Variants in ATP13A4 observed in about 807,000 individuals in gnomAD.
The protein encoded by ATP13A4 is probable cation-transporting ATPase 13A4.
ATP13A4 carries 114 observed loss-of-function variants against 142.5 expected under a neutral mutation model. That is an observed-to-expected ratio of 0.80 (90% CI 0.69 to 0.93). The LOEUF is 0.93. Among genes scored for constraint, ATP13A4 ranks in the 40% least tolerant of loss-of-function variants. The pLI is 0.00. For missense variants in ATP13A4, 1,392 were observed against 1,454.0 expected (o/e 0.96, Z 0.69); for synonymous variants, 488 against 514.8 (o/e 0.95, Z 0.70).
chr3:193,558,318 C>T (rs1723947133), upstream of ATP13A4, among the ~76,000 whole-genome samples: 1 of 152,216 alleles, frequency 6.6e-6, no homozygotes, highest in Non-Finnish European at 1.5e-5. Context: ...CTATTCTATA[C>T]TCTACGTGCC....
intron 6 of ATP13A4, among the ~76,000 whole-genome samples, chr3:193,490,725 T>C (rs1438919525): frequency 6.6e-6 from 1 of 152,138 alleles, no homozygotes. Flanking sequence ...TGACGGCTTG[T>C]TGGAAATATT....
Position 193,465,007 on chromosome 3 carries a change from C to G in ATP13A4, c.1394G>C (p.Gly465Ala), listed in dbSNP as rs756991830. The G allele has an allele frequency of 4.3e-6, 7 of 1,613,986 alleles. No homozygotes were observed. Among genetic ancestry groups the G allele is most frequent in the Non-Finnish European group, 5.9e-6 (7 of 1,180,008 alleles). The change falls in exon 12 of 30, where the codon GGC becomes GCC. Residue 465 changes from glycine (G) to alanine (A), a missense_variant. Coordinates refer to ENST00000342695, the MANE Select transcript of ATP13A4 (RefSeq NM_032279.4). ...CCTCTGGGGGCTAATGCAGAAGATG[C>G]CTCTCTTCTTCAGCCTCCTCTGGGC... ...IYAQRRLKKR[G>A]IFCISPQRIN...
chr3:193,556,176 T>C (rs1560281683), upstream of ATP13A4, among the ~76,000 whole-genome samples: 1 of 152,148 alleles, frequency 6.6e-6, no homozygotes, highest in Non-Finnish European at 1.5e-5. Context: ...AACATAAAGA[T>C]GATGATAATA....
intron 25 of ATP13A4, among the ~76,000 whole-genome samples, chr3:193,430,853 A>C (rs886901484): frequency 6.6e-5 from 10 of 152,194 alleles, no homozygotes; most frequent in Admixed American, 2.6e-4. Context: ...ATGAATAATA[A>C]AATTTATATT....
intron 2 of ATP13A4, among the ~76,000 whole-genome samples, chr3:193,510,307 G>A (rs1448845819): frequency 6.6e-6 from 1 of 152,090 alleles, no homozygotes; most frequent in Non-Finnish European, 1.5e-5. Context: ...AAACTGAAGC[G>A]AAAATACTCC....
At chr3:193,586,721 T>C (rs1724679278) in intron 1 of ATP13A4, among the ~76,000 whole-genome samples, 1 of 152,280 alleles carries the variant, frequency 6.6e-6, no homozygotes, top group African/African-American at 2.4e-5. Flanking sequence ...ATTTATCTAT[T>C]TGGCCTTATG....
At chr3:193,572,336 A>G (rs114807764) in intron 2 of ATP13A4, among the ~76,000 whole-genome samples, 2,299 of 152,354 alleles carry the variant, frequency 0.015, 30 homozygotes, top group Non-Finnish European at 0.022. Flanking sequence ...AAACTATTGT[A>G]ATATAAAAAG....
At chr3:193,466,252 C>T (rs1033632158) in intron 10 of ATP13A4, 70 bp from the exon 11 acceptor site, 4 of 1,576,788 alleles carry the variant, frequency 2.5e-6, no homozygotes, top group Admixed American at 1.7e-5. Context: ...CAAACCTCAA[C>T]ACTGCCTTTG....
At position 193,421,417 on chromosome 3, in the gene ATP13A4, G is replaced by C. The variant is rs368222786; in HGVS notation, c.2843-6667C>G. The stretch of plus-strand genomic sequence containing the variant: ...TTTTCCTTACAAGAAATGCTTGAGA[G>C]TTTTTCAAGTAGAAATGGAAGGACA... On this transcript the variant is annotated intron_variant, in intron 25 of 29. Transcript: ENST00000342695. Among the ~76,000 whole-genome samples, 10 of 149,548 alleles carry C rather than the reference G, an allele frequency of 6.7e-5. 1 individual carries two copies. The highest frequency in any genetic ancestry group is 1.5e-4 in the Non-Finnish European group (10 of 67,730).
At chr3:193,573,119 G>A (rs891457792) in intron 2 of ATP13A4, among the ~76,000 whole-genome samples, 1 of 150,726 alleles carries the variant, frequency 6.6e-6, no homozygotes, top group Non-Finnish European at 1.5e-5. Flanking sequence ...AGTGAGCCGA[G>A]ATCACCGACA....
intron 1 of ATP13A4, among the ~76,000 whole-genome samples, chr3:193,519,948 A>G (rs943060486): frequency 2.6e-5 from 4 of 151,746 alleles, no homozygotes; most frequent in African/African-American, 4.8e-5. Flanking sequence ...CCTGGCCTGC[A>G]ATTTCTATTT....
At chr3:193,508,413 G>C (rs1720967696) in intron 2 of ATP13A4, among the ~76,000 whole-genome samples, 1 of 152,140 alleles carries the variant, frequency 6.6e-6, no homozygotes, top group South Asian at 2.1e-4. Context: ...TAGATCTCTA[G>C]TTCCAACTCT....
At chr3:193,426,109 T>C (rs1715646760) in intron 25 of ATP13A4, among the ~76,000 whole-genome samples, 1 of 151,774 alleles carries the variant, frequency 6.6e-6, no homozygotes, top group East Asian at 1.9e-4. Flanking sequence ...AGAGCCTACA[T>C]ACTGAAAATC....
At chr3:193,584,085 G>A (rs1241099776) in intron 1 of ATP13A4, among the ~76,000 whole-genome samples, 8 of 152,078 alleles carry the variant, frequency 5.3e-5, no homozygotes, top group Admixed American at 3.3e-4. Context: ...ACAGAATAAC[G>A]CTTCCCACAA....
chr3:193,439,007 A>G lies in ATP13A4; in HGVS notation c.2562+16T>C. On this transcript the variant is annotated intron_variant, in intron 22 of 29. Coordinates refer to ENST00000342695, the MANE Select transcript of ATP13A4 (RefSeq NM_032279.4). The stretch of plus-strand genomic sequence containing the variant: ...CGAATGTGAGATTATGGCCACACAA[A>G]CTGGTAGCTACTTACCCCACAGTCA... 2 of 1,600,958 alleles carry G rather than the reference A, an allele frequency of 1.2e-6. No homozygotes were observed. Among genetic ancestry groups the G allele is most frequent in the Non-Finnish European group, 1.7e-6 (2 of 1,167,986 alleles).
chr3:193,408,291 C>A (rs749749956), intron 28 of ATP13A4, among the ~76,000 whole-genome samples: 4 of 152,138 alleles, frequency 2.6e-5, no homozygotes, highest in Non-Finnish European at 5.9e-5. Flanking sequence ...ATGATATATG[C>A]ACAATATTTT....
rs200364064 is a variant in ATP13A4, at chr3:193,459,165, C to T, written c.1590G>A (p.Met530Ile). Residue 530 changes from methionine to isoleucine, a missense_variant, in exon 14 of 30, where the codon ATG becomes ATA. By Grantham distance (10) the Met-to-Ile change is conservative. Coordinates refer to ENST00000342695, the MANE Select transcript of ATP13A4 (RefSeq NM_032279.4). ...ALPWGPLCAA[M>I]ASCHSLILLD... ...GAAGGATCAGAGAGTGGCAGCTGGCCATCGCTGCACACAGTGGGCCCCATG... is the reference window on the plus strand; with the variant it reads ...GAAGGATCAGAGAGTGGCAGCTGGCTATCGCTGCACACAGTGGGCCCCATG... The T allele has an allele frequency of 5.6e-5, 90 of 1,614,100 alleles. No individual in the cohort carries two copies. Among genetic ancestry groups the T allele is most frequent in the Non-Finnish European group, 7.5e-5 (89 of 1,180,040 alleles).
At chr3:193,458,900 T>C (rs942846109) in intron 14 of ATP13A4, 181 bp downstream of exon 14, 1 of 759,778 alleles carries the variant, frequency 1.3e-6, no homozygotes, top group Non-Finnish European at 2.3e-6. Context: ...ATTATGTAGA[T>C]GCTATTATTA....
In ATP13A4 at chr3:193,569,505, T is replaced by C. The variant is rs985083253; in HGVS notation, n.291+12202A>G. Among the ~76,000 whole-genome samples, 7 of 148,094 alleles carry C rather than the reference T, an allele frequency of 4.7e-5. No individual in the cohort carries two copies. In the South Asian group the frequency reaches 1.5e-3, roughly 32 times the overall value. On this transcript the variant is annotated intron_variant and non_coding_transcript_variant, in intron 2 of 3. Transcript: ENST00000489140. ...TAGCAACATAGCAGTATTGGGTTTT[T>C]GTTTTGGTTTGGTTTTTTTGTTGTT...
Sources: allele counts gnomAD v4.1 joint callset (sites outside exome capture counted in the v4.1 genomes callset), GRCh38; gene constraint gnomAD v4.1.1; transcripts MANE v1.5; gene names NCBI Gene and HGNC (gene_info 2026-07-23, HGNC 2026-07-21).